The following CARF variants were observed in gnomAD, a reference collection of about 807,000 sequenced individuals.
CARF encodes calcium-responsive transcription factor.
In CARF, 57 loss-of-function variants were observed where a neutral mutation model predicts 82.0. That is an observed-to-expected ratio of 0.70 (90% confidence interval 0.56 to 0.87). The LOEUF (loss-of-function observed/expected upper bound fraction) is 0.87. CARF is among the 40% of genes least tolerant of loss of function. The pLI is 0.00. For missense variants in CARF, 771 were observed against 855.8 expected (o/e 0.90, Z 1.24); for synonymous variants, 268 against 290.1 (o/e 0.92, Z 0.77).
chr2:202,925,038 G>T, intron 3 of CARF: 1 of 408,062 alleles, frequency 2.5e-6, no homozygotes, highest in South Asian at 2.1e-5. Context: ...AAGTAGCTTG[G>T]AGCAACATGG....
chr2:202,921,828 A>G (rs1690850186), intron 2 of CARF, among the ~76,000 whole-genome samples: 2 of 151,980 alleles, frequency 1.3e-5, no homozygotes, highest in Admixed American at 6.6e-5. Context: ...ATTTTATTGA[A>G]AAATTTTTTT....
At chr2:202,938,469 C>T (rs920527693) in intron 3 of CARF, 1 of 151,798 alleles carries the variant, frequency 6.6e-6, no homozygotes, top group Non-Finnish European at 1.5e-5. Flanking sequence ...CAGGGTTTCG[C>T]CATGTTGGTC....
rs1277183946 is a variant in CARF at position 202,918,039 on chromosome 2, T to C, written c.-167T>C. 1 of 450,754 alleles carries C rather than the reference T, an allele frequency of 2.2e-6. No individual in the cohort carries two copies. Among genetic ancestry groups the C allele is most frequent in the Non-Finnish European group, 4.4e-6 (1 of 224,944 alleles). The allele number at this position is 450,754 out of a possible 1,614,324, so 27.9% of individuals were successfully genotyped here. A position where few individuals can be genotyped will look rare whatever the true frequency, so the allele number is the denominator to read the frequency against. Reference sequence around the variant, plus strand: ...TGGAATTTAAACCTGAGCCACTATCTGAAGGTAATTTTTTTTAACTAATTG... The same window carrying C: ...TGGAATTTAAACCTGAGCCACTATCCGAAGGTAATTTTTTTTAACTAATTG... On this transcript the variant is annotated 5_prime_UTR_variant, in exon 2 of 17. Coordinates refer to ENST00000438828, the MANE Select transcript of CARF (RefSeq NM_024744.17).
chr2:202,961,189 C>A, intron 8 of CARF, 48 bp from the exon 9 acceptor site: 1 of 1,407,054 alleles, frequency 7.1e-7, no homozygotes, highest in Non-Finnish European at 9.9e-7. Context: ...ATTTATTATG[C>A]AATGAAGTGT....
intron 14 of CARF, among the ~76,000 whole-genome samples, chr2:202,980,388 T>C (rs2060199065): frequency 6.6e-6 from 1 of 151,886 alleles, no homozygotes; most frequent in Non-Finnish European, 1.5e-5. Context: ...GTTTTTATTT[T>C]TATTCATTTA....
intron 1 of CARF, among the ~76,000 whole-genome samples, chr2:202,914,991 G>A (rs1689347229): frequency 6.6e-6 from 1 of 151,404 alleles, no homozygotes. Flanking sequence ...GGGTTTTTTG[G>A]TGGTGGTGGT....
intron 12 of CARF, among the ~76,000 whole-genome samples, chr2:202,972,638 C>T (rs182889395): frequency 9.8e-5 from 14 of 143,320 alleles, no homozygotes; most frequent in Admixed American, 8.2e-4. Context: ...GATCGCGCCA[C>T]TGCACTCTAC....
In CARF at chr2:202,917,874, CAG is replaced by C. The variant is rs1195756547; in HGVS notation, c.-328_-327del. ...ATATACATTAAATACCTTCTCATTA[CAG>C]AGAAAATGCTGCTGTGAAGACCCAA... is the stretch of plus-strand genomic sequence containing the variant. On this transcript the variant is annotated splice_acceptor_variant, in intron 1 of 16. Coordinates refer to ENST00000438828, the MANE Select transcript of CARF (RefSeq NM_024744.17). LOFTEE classifies it low-confidence loss of function (5UTR_SPLICE). 7 of 264,256 alleles carry C rather than the reference CAG, an allele frequency of 2.6e-5. No individual in the cohort carries two copies. Among genetic ancestry groups the C allele is most frequent in the African/African-American group, 1.6e-4 (7 of 43,840 alleles). The allele number at this position is 264,256 out of a possible 1,614,324, so 16.4% of individuals were successfully genotyped here.
intron 5 of CARF, among the ~76,000 whole-genome samples, chr2:202,949,438 G>A (rs550631860): frequency 6.6e-5 from 10 of 151,612 alleles, no homozygotes; most frequent in African/African-American, 1.9e-4. Context: ...CTACAGGGGT[G>A]TGCCACTGCC....
chr2:202,915,039 TC>T (rs1689361878), intron 1 of CARF, among the ~76,000 whole-genome samples: 1 of 152,026 alleles, frequency 6.6e-6, no homozygotes, highest in Admixed American at 6.6e-5. Context: ...TTGTTTTTTT[TC>T]AGAGTCTCCC....
At position 202,942,977 on chromosome 2, in the gene CARF, T is replaced by C; in HGVS notation, c.306+10T>C. On this transcript the variant is annotated intron_variant, in intron 5 of 16. Coordinates refer to ENST00000438828, the MANE Select transcript of CARF (RefSeq NM_024744.17). ...ATCCAATGCACAAATGGTGAGTATA[T>C]TTTATAAGTAACCAGTTTTATGCCG... The C allele has an allele frequency of 6.2e-7, 1 of 1,605,658 alleles. No homozygotes were observed. Among genetic ancestry groups the C allele is most frequent in the East Asian group, 2.2e-5 (1 of 44,830 alleles).
chr2:202,983,695 C>A lies in CARF; in HGVS notation c.*71C>A. The stretch of plus-strand genomic sequence containing the variant: ...TCTTAGAAAGGAAGGTGAATATAGT[C>A]AAAGCGTGGCATTGAGATAATTGGA... On this transcript the variant is annotated 3_prime_UTR_variant, in exon 17 of 17. Coordinates refer to ENST00000438828, the MANE Select transcript of CARF (RefSeq NM_024744.17). The A allele has an allele frequency of 1.1e-6, 1 of 915,666 alleles. No individual in the cohort carries two copies. The highest frequency in any genetic ancestry group is 1.7e-6 in the Non-Finnish European group (1 of 571,522). The allele number at this position is 915,666 out of a possible 1,614,324, so 56.7% of individuals were successfully genotyped here.
chr2:202,958,752 A>G (rs1053065851), intron 8 of CARF, among the ~76,000 whole-genome samples: 2 of 152,090 alleles, frequency 1.3e-5, no homozygotes, highest in African/African-American at 4.8e-5. Context: ...TAAAAATACA[A>G]AAATTAATCT....
intron 3 of CARF, among the ~76,000 whole-genome samples, chr2:202,936,092 A>G (rs1489302714): frequency 6.6e-6 from 1 of 152,160 alleles, no homozygotes; most frequent in African/African-American, 2.4e-5. Context: ...CAGCCTCCCA[A>G]GTGTTAGGAT....
At chr2:202,953,752 A>G (rs535700293) in intron 6 of CARF, among the ~76,000 whole-genome samples, 6 of 152,192 alleles carry the variant, frequency 3.9e-5, no homozygotes, top group Admixed American at 2.6e-4. Flanking sequence ...AACTCTTAAT[A>G]TACAATTATT....
At chr2:202,964,210 G>A (rs77525753) in intron 9 of CARF, among the ~76,000 whole-genome samples, 2,912 of 152,248 alleles carry the variant, frequency 0.019, 101 homozygotes, top group African/African-American at 0.067. Context: ...TCAGCAGTGT[G>A]TGAAAATTTC....
intron 8 of CARF, among the ~76,000 whole-genome samples, chr2:202,959,733 C>T (rs141435224): frequency 3.3e-5 from 5 of 151,516 alleles, no homozygotes; most frequent in Admixed American, 6.6e-5. Context: ...CATCTGAACC[C>T]GGGAGATGAA....
Position 202,987,653 on chromosome 2 carries a change from A to C in CARF, c.*4029A>C, listed in dbSNP as rs1457367635. Among the ~76,000 whole-genome samples the C allele has an allele frequency of 6.6e-6, 1 of 152,168 alleles. No homozygotes were observed. The highest frequency in any genetic ancestry group is 1.5e-5 in the Non-Finnish European group (1 of 68,024). ...TTCTTAAAACTTTGGGAATAGAAAA[A>C]ACACATTTATTAATGGATGCTAAAG... On this transcript the variant is annotated 3_prime_UTR_variant, in exon 17 of 17. Transcript: ENST00000438828.
At chr2:202,967,187 C>T in intron 10 of CARF, 89 bp downstream of exon 10, 1 of 1,366,174 alleles carries the variant, frequency 7.3e-7, no homozygotes, top group Non-Finnish European at 9.9e-7. Flanking sequence ...TATACAGTAC[C>T]AAAAAGTATA....
Sources: allele counts gnomAD v4.1 joint callset (sites outside exome capture counted in the v4.1 genomes callset), GRCh38; gene constraint gnomAD v4.1.1; transcripts MANE v1.5; gene names NCBI Gene and HGNC (gene_info 2026-07-23, HGNC 2026-07-21).